Variants in TAOK1 observed in about 807,000 individuals in gnomAD.
TAOK1 encodes TAO kinase 1, also known as serine/threonine-protein kinase TAO1.
TAOK1 carries 21 observed loss-of-function variants against 138.3 expected under a neutral mutation model. The observed-to-expected ratio is 0.15, with a 90% CI of 0.11 to 0.22. The LOEUF is 0.22. Among genes scored for constraint, TAOK1 ranks in the 10% least tolerant of loss-of-function variants. The pLI is 1.00. For synonymous variants in TAOK1, 361 were observed against 398.4 expected, an observed-to-expected ratio of 0.91 and a Z score of 1.12; for missense variants, 651 against 1,227.7, an observed-to-expected ratio of 0.53 and a Z score of 7.02.
intron 1 of TAOK1, among the ~76,000 whole-genome samples, chr17:29,437,777 G>T (rs1245958370): frequency 7.7e-6 from 1 of 130,398 alleles, no homozygotes; most frequent in Non-Finnish European, 1.5e-5. Flanking sequence ...TCTGTCACCC[G>T]GGCTGTAGTG....
At chr17:29,486,366 C>T (rs1185243729) in intron 8 of TAOK1, among the ~76,000 whole-genome samples, 1 of 152,190 alleles carries the variant, frequency 6.6e-6, no homozygotes, top group Non-Finnish European at 1.5e-5. Context: ...AGTTCAGTGG[C>T]TTATGCCTGT....
chr17:29,526,152 G>A (rs2032005983), intron 17 of TAOK1, among the ~76,000 whole-genome samples: 1 of 151,718 alleles, frequency 6.6e-6, no homozygotes, highest in African/African-American at 2.4e-5. Context: ...GCACATGCTT[G>A]CTCTCCTAGC....
At chr17:29,535,581 G>A (rs527811977) in intron 19 of TAOK1, among the ~76,000 whole-genome samples, 5 of 152,180 alleles carry the variant, frequency 3.3e-5, no homozygotes, top group Non-Finnish European at 7.4e-5. Context: ...TAAACCAGGT[G>A]TTGTGGCTCA....
chr17:29,545,747 T>C lies in TAOK1; in HGVS notation c.*2725T>C, dbSNP rs2032392366. ...AAATTGGAAGGGTTTTGAGATATCC[T>C]AGAGAAAGAGCAAGCACTTTCTGAA... On this transcript the variant is annotated 3_prime_UTR_variant, in exon 20 of 20. Coordinates refer to ENST00000261716, the MANE Select transcript of TAOK1 (RefSeq NM_020791.4). 1 of 152,164 alleles carries C rather than the reference T, an allele frequency of 6.6e-6. No individual in the cohort carries two copies. Among genetic ancestry groups the C allele is most frequent in the African/African-American group, 2.4e-5 (1 of 41,444 alleles). The allele number at this position is 152,164 out of a possible 1,614,324, so 9.4% of individuals were successfully genotyped here. A position where few individuals can be genotyped will look rare whatever the true frequency, so the allele number is the denominator to read the frequency against.
At chr17:29,423,294 A>T (rs1305833251) in intron 1 of TAOK1, among the ~76,000 whole-genome samples, 2 of 146,198 alleles carry the variant, frequency 1.4e-5, no homozygotes, top group Non-Finnish European at 3.0e-5. Flanking sequence ...ATCTTGGCTC[A>T]CTGCAAGCTC....
intron 1 of TAOK1, among the ~76,000 whole-genome samples, chr17:29,411,510 G>C (rs1905143861): frequency 6.6e-6 from 1 of 151,900 alleles, no homozygotes; most frequent in Non-Finnish European, 1.5e-5. Flanking sequence ...TCCTGCCTCA[G>C]CCTCCCAAGT....
intron 18 of TAOK1, among the ~76,000 whole-genome samples, chr17:29,533,557 C>T (rs1414883242): frequency 6.6e-6 from 1 of 152,028 alleles, no homozygotes; most frequent in Non-Finnish European, 1.5e-5. Context: ...CACCATTGAG[C>T]ACTGAGTGAA....
chr17:29,397,645 T>TG (rs1904667650), intron 1 of TAOK1, among the ~76,000 whole-genome samples: 1 of 137,108 alleles, frequency 7.3e-6, no homozygotes, highest in Non-Finnish European at 1.6e-5. Flanking sequence ...TATACATGTA[T>TG]ATATGTATAT....
intron 8 of TAOK1, among the ~76,000 whole-genome samples, chr17:29,482,831 TGA>T (rs750285831): frequency 1.1e-4 from 16 of 149,404 alleles, no homozygotes; most frequent in Admixed American, 1.3e-4. Flanking sequence ...GGTCTTGCAA[TGA>T]GAGAGAGAGA....
chr17:29,491,665 C>T (rs2031297333), intron 9 of TAOK1, 119 bp from the exon 10 acceptor site: 2 of 711,530 alleles, frequency 2.8e-6, no homozygotes, highest in Non-Finnish European at 4.9e-6. Flanking sequence ...ATAGTCTCTG[C>T]TTTTTTTTAA....
intron 16 of TAOK1, among the ~76,000 whole-genome samples, chr17:29,521,727 C>T (rs1049880257): frequency 6.6e-6 from 1 of 152,078 alleles, no homozygotes; most frequent in African/African-American, 2.4e-5. Context: ...GGACTACGGG[C>T]GCCCGCCACA....
At position 29,390,823 on chromosome 17, in the gene TAOK1, G is replaced by GCCCCCCC. The variant is rs1245157840; in HGVS notation, c.-291_-285dup. 2 of 138,250 alleles carry GCCCCCCC rather than the reference G, an allele frequency of 1.4e-5. No individual in the cohort carries two copies. Among genetic ancestry groups the GCCCCCCC allele is most frequent in the Admixed American group, 7.2e-5 (1 of 13,900 alleles). The allele number at this position is 138,250 out of a possible 1,614,324, so 8.6% of individuals were successfully genotyped here. On this transcript the variant is annotated 5_prime_UTR_variant, in exon 1 of 20. Coordinates refer to ENST00000261716, the MANE Select transcript of TAOK1 (RefSeq NM_020791.4). ...CCTCCTCGACCCCGGTCGTCCCCTC[G>GCCCCCCC]CCCCCCCCCCCACCCCCCGCCGCCG...
At chr17:29,503,167 C>T (rs1235736663) in intron 13 of TAOK1, among the ~76,000 whole-genome samples, 3 of 151,734 alleles carry the variant, frequency 2.0e-5, no homozygotes, top group African/African-American at 2.4e-5. Context: ...GAGGCCGAAG[C>T]GGGCGGATCA....
At chr17:29,507,530 C>G (rs1443144318) in intron 13 of TAOK1, among the ~76,000 whole-genome samples, 1 of 152,096 alleles carries the variant, frequency 6.6e-6, no homozygotes, top group Non-Finnish European at 1.5e-5. Context: ...ATTAACTTGA[C>G]TTTCTTGGTA....
Position 29,517,624 on chromosome 17 carries a change from C to T in TAOK1, c.1876C>T (p.Arg626Cys). Reference sequence around the variant, plus strand: ...CTTCAAGAGAAGAATGTTACTTGGGCGTCATAACTTAGAGCAGGACCTTGT... The same window carrying T: ...CTTCAAGAGAAGAATGTTACTTGGGTGTCATAACTTAGAGCAGGACCTTGT... ...RRFKRRMLLG[R>C]HNLEQDLVRE... Residue 626 changes from arginine (R) to cysteine (C), a missense_variant, in exon 16 of 20, where the codon CGT becomes TGT. Arg to Cys is a radical substitution (Grantham distance 180). Coordinates refer to ENST00000261716, the MANE Select transcript of TAOK1 (RefSeq NM_020791.4). The T allele has an allele frequency of 1.9e-6, 3 of 1,612,386 alleles. No homozygotes were observed. Among genetic ancestry groups the T allele is most frequent in the Non-Finnish European group, 1.7e-6 (2 of 1,179,910 alleles).
intron 16 of TAOK1, among the ~76,000 whole-genome samples, chr17:29,520,149 C>A (rs1306927027): frequency 1.3e-5 from 2 of 150,158 alleles, no homozygotes; most frequent in Non-Finnish European, 3.0e-5. Context: ...CCACCGCACT[C>A]CAGCCTGGGC....
chr17:29,497,711 A>G (rs2031439939), intron 11 of TAOK1, among the ~76,000 whole-genome samples: 1 of 142,522 alleles, frequency 7.0e-6, no homozygotes, highest in South Asian at 2.3e-4. Context: ...ACCTATTGAA[A>G]TACAAAAAAA....
chr17:29,401,343 A>C (rs186597519), intron 1 of TAOK1, among the ~76,000 whole-genome samples: 8 of 152,324 alleles, frequency 5.3e-5, no homozygotes, highest in Non-Finnish European at 1.2e-4. Flanking sequence ...AGGCATCTGC[A>C]TCTGGGGAGG....
chr17:29,438,858 C>T (rs1361626745), intron 1 of TAOK1, among the ~76,000 whole-genome samples: 1 of 152,178 alleles, frequency 6.6e-6, no homozygotes, highest in Admixed American at 6.5e-5. Context: ...ATTTAGTCTA[C>T]TGTTTAGGAC....
Sources: gnomAD v4.1 joint callset for allele counts (sites outside exome capture counted in the v4.1 genomes callset) on GRCh38, gnomAD v4.1.1 for gene constraint, MANE v1.5 for transcripts, NCBI Gene and HGNC (gene_info 2026-07-23, HGNC 2026-07-21) for gene names.